The following NCS1 variants were observed in gnomAD, a reference collection of about 807,000 sequenced individuals.
NCS1 encodes frequenin homolog.
A neutral mutation model predicts 28.4 loss-of-function variants in NCS1; 6 were observed. The ratio of observed to expected loss-of-function variants is 0.21; its 90% CI spans 0.12 to 0.42. The LOEUF (loss-of-function observed/expected upper bound fraction) is 0.42. NCS1 is among the 10% of genes least tolerant of loss of function. The probability of loss-of-function intolerance (pLI) is 1.00; values close to 1 mark genes in which losing one functional copy is unlikely to be tolerated. For synonymous variants in NCS1, 86 were observed against 99.3 expected, an observed-to-expected ratio of 0.87 and a Z score of 0.79; for missense variants, 131 against 241.4, an observed-to-expected ratio of 0.54 and a Z score of 3.03.
chr9:130,178,099 G>A (rs1554904779), intron 1 of NCS1, among the ~76,000 whole-genome samples: 4 of 152,296 alleles, frequency 2.6e-5, no homozygotes, highest in East Asian at 3.9e-4. Context: ...CTGGCCTCAA[G>A]TGATCTCCTC....
intron 2 of NCS1, among the ~76,000 whole-genome samples, chr9:130,203,110 G>T (rs1446433207): frequency 6.8e-6 from 1 of 146,492 alleles, no homozygotes; most frequent in African/African-American, 2.5e-5. Flanking sequence ...GTGTGTGTGT[G>T]TGCGTGTGTA....
At chr9:130,208,753 C>T (rs1206003283) in intron 2 of NCS1, among the ~76,000 whole-genome samples, 2 of 152,192 alleles carry the variant, frequency 1.3e-5, no homozygotes, top group African/African-American at 2.4e-5. Flanking sequence ...TGGGGGCTTT[C>T]CTGCGGGCAG....
rs5900889 is a variant in NCS1 at position 130,235,120 on chromosome 9, A to ACCCCCCCC, written c.*2155_*2156insCCCCCCCC. 9 of 148,504 alleles carry ACCCCCCCC rather than the reference A, an allele frequency of 6.1e-5. No individual in the cohort carries two copies. The highest frequency in any genetic ancestry group is 2.3e-4 in the African/African-American group (9 of 39,436). The allele number at this position is 148,504 out of a possible 1,614,324, so 9.2% of individuals were successfully genotyped here. A position where few individuals can be genotyped will look rare whatever the true frequency, so the allele number is the denominator to read the frequency against. On this transcript the variant is annotated 3_prime_UTR_variant, in exon 8 of 8. Transcript: ENST00000372398. ...AGGACTGCACGCTGGCCCCACGGTA[A>ACCCCCCCC]CCCCCCCTCCCCCACCAACATCCTG...
Position 130,226,429 on chromosome 9 carries a change from G to A in NCS1, c.515G>A (p.Gly172Asp). 6.2e-7 allele frequency: 1 copy of A among 1,614,172 alleles called. No homozygotes were observed. The highest frequency in any genetic ancestry group is 8.5e-7 in the Non-Finnish European group (1 of 1,180,030). Reference protein sequence around the residue: ...GKLTLQEFQEGSKADPSIVQA... With the variant: ...GKLTLQEFQEDSKADPSIVQA... ...CTGACCCTGCAGGAGTTCCAGGAGG[G>A]TTCCAAGGCAGACCCGTCCATTGTG... Residue 172 changes from glycine (G) to aspartate (D), a missense_variant, in exon 7 of 8, where the codon GGT becomes GAT. This residue lies in a region of NCS1 where 100 missense variants were observed against 210.3 expected (regional missense o/e 0.48). Transcript: ENST00000372398. This position sits in a 1 kb window ranked among gnomAD's most constrained non-coding sequence, Gnocchi z 4.8.
intron 1 of NCS1, among the ~76,000 whole-genome samples, chr9:130,194,471 T>C (rs1349734250): frequency 6.7e-6 from 1 of 150,278 alleles, no homozygotes; most frequent in African/African-American, 2.5e-5. Flanking sequence ...CTTCTGCAGC[T>C]CTGGCTCTCT....
At chr9:130,216,695 G>C (rs936908736) in intron 2 of NCS1, among the ~76,000 whole-genome samples, 4 of 148,246 alleles carry the variant, frequency 2.7e-5, no homozygotes, top group Non-Finnish European at 4.4e-5. Context: ...CAGCCTGGGC[G>C]ACACAGTGAG....
intron 4 of NCS1, among the ~76,000 whole-genome samples, chr9:130,221,401 TATATATATATATAGAGAG>T (rs1427816237): frequency 0.028 from 1,263 of 44,886 alleles, 22 homozygotes; most frequent in African/African-American, 0.089. Flanking sequence ...TATATATATA[TATATATATATATAGAGAG>T]AGAGAGAGAG....
At chr9:130,182,734 C>T (rs1271846468) in intron 1 of NCS1, among the ~76,000 whole-genome samples, 1 of 152,232 alleles carries the variant, frequency 6.6e-6, no homozygotes, top group Non-Finnish European at 1.5e-5. Flanking sequence ...AACTTAGGAG[C>T]AACGTACCGC....
intron 1 of NCS1, among the ~76,000 whole-genome samples, chr9:130,188,503 C>T (rs1479630309): frequency 9.4e-6 from 1 of 106,482 alleles, no homozygotes; most frequent in Non-Finnish European, 2.0e-5. Flanking sequence ...GCGGAGCCTC[C>T]TGGGTTCAAG....
At position 130,191,022 on chromosome 9, in the gene NCS1, C is replaced by A. The variant is rs1410049171; in HGVS notation, c.65-9936C>A. ...GGTGTCTGCCCCAAGGCCTGGCCCT[C>A]TGACTTTTATTCAGACACCACGACT... On this transcript the variant is annotated intron_variant, in intron 1 of 7. Coordinates refer to ENST00000372398, the MANE Select transcript of NCS1 (RefSeq NM_014286.4). The surrounding 1 kb of genome is among the most constrained non-coding windows in gnomAD (Gnocchi z 6.4). Among the ~76,000 whole-genome samples the A allele has an allele frequency of 6.6e-6, 1 of 152,214 alleles. No individual in the cohort carries two copies. Among genetic ancestry groups the A allele is most frequent in the Non-Finnish European group, 1.5e-5 (1 of 68,038 alleles).
intron 1 of NCS1, among the ~76,000 whole-genome samples, chr9:130,196,792 C>T (rs1192110549): frequency 6.6e-6 from 1 of 152,178 alleles, no homozygotes; most frequent in Admixed American, 6.5e-5. Flanking sequence ...TTACCACCCC[C>T]ACCTCATCCC....
At chr9:130,231,487 G>C (rs1226962519) in intron 7 of NCS1, among the ~76,000 whole-genome samples, 1 of 151,506 alleles carries the variant, frequency 6.6e-6, no homozygotes, top group Non-Finnish European at 1.5e-5. Flanking sequence ...GGATTCAAGC[G>C]ATTCTCCTGC....
At chr9:130,179,238 G>A (rs1009053833) in intron 1 of NCS1, among the ~76,000 whole-genome samples, 38 of 151,742 alleles carry the variant, frequency 2.5e-4, no homozygotes, top group African/African-American at 9.2e-4. Context: ...TGGACTCATA[G>A]TTTTCATTAC....
rs12350571 is a variant in NCS1, at chr9:130,232,315, G to A, written c.*18-675G>A. On this transcript the variant is annotated intron_variant, in intron 7 of 7. Coordinates refer to ENST00000372398, the MANE Select transcript of NCS1 (RefSeq NM_014286.4). The surrounding 1 kb of genome is among the most constrained non-coding windows in gnomAD (Gnocchi z 4.4). ...TTGGGCATCTTTTCATGTGTTTATC[G>A]ACTGTTCTATGTGTTGTTTTTAATG... Among the ~76,000 whole-genome samples, 1,060 of 152,218 alleles carry A rather than the reference G, an allele frequency of 7.0e-3. 21 individuals carry two copies. Among genetic ancestry groups the A allele is most frequent in the African/African-American group, 0.024 (1,005 of 41,530 alleles).
chr9:130,210,992 C>A (rs1413688294), intron 2 of NCS1, among the ~76,000 whole-genome samples: 1 of 145,780 alleles, frequency 6.9e-6, no homozygotes, highest in Non-Finnish European at 1.5e-5. Context: ...ACACAAGCCA[C>A]TGTGCCCGGC....
intron 1 of NCS1, among the ~76,000 whole-genome samples, chr9:130,197,700 C>T (rs1475088962): frequency 2.6e-5 from 4 of 152,110 alleles, no homozygotes; most frequent in African/African-American, 9.7e-5. Context: ...TGGTGGCTCA[C>T]GCCTGTAATC....
In NCS1 at chr9:130,175,579, G is replaced by C. The variant is rs1344606000; in HGVS notation, c.64+2852G>C. Among the ~76,000 whole-genome samples, 1 of 152,168 alleles carries C rather than the reference G, an allele frequency of 6.6e-6. No individual in the cohort carries two copies. The highest frequency in any genetic ancestry group is 1.5e-5 in the Non-Finnish European group (1 of 68,032). ...GTCCTAGCCCACCTCATGCATAGCTGGCCACAGTGCCAAGGGGGCCTAGAG... is the reference window on the plus strand; with the variant it reads ...GTCCTAGCCCACCTCATGCATAGCTCGCCACAGTGCCAAGGGGGCCTAGAG... On this transcript the variant is annotated intron_variant, in intron 1 of 7. Coordinates refer to ENST00000372398, the MANE Select transcript of NCS1 (RefSeq NM_014286.4). This position sits in a 1 kb window ranked among gnomAD's most constrained non-coding sequence, Gnocchi z 4.9.
At chr9:130,204,917 A>G (rs7024495) in intron 2 of NCS1, among the ~76,000 whole-genome samples, 74,654 of 151,552 alleles carry the variant, frequency 0.49, 19,168 homozygotes, top group East Asian at 0.85. Flanking sequence ...ACTTTTGTTT[A>G]CTCATCAAGC....
At chr9:130,213,254 G>T (rs1833137701) in intron 2 of NCS1, among the ~76,000 whole-genome samples, 1 of 152,136 alleles carries the variant, frequency 6.6e-6, no homozygotes. Context: ...CAGAGGGTGG[G>T]AGCACATCAC....
Sources: allele counts gnomAD v4.1 joint callset (sites outside exome capture counted in the v4.1 genomes callset), GRCh38; gene constraint gnomAD v4.1.1; regional missense constraint gnomAD v4.1.1; non-coding constraint Gnocchi (gnomAD v3.1); transcripts MANE v1.5; gene names NCBI Gene and HGNC (gene_info 2026-07-23, HGNC 2026-07-21).